The following SPOCK3 variants were observed in gnomAD, a reference collection of about 807,000 sequenced individuals.
The protein encoded by SPOCK3 is testican-3.
SPOCK3 carries 30 observed loss-of-function variants against 56.6 expected under a neutral mutation model. That is an observed-to-expected ratio of 0.53 (90% CI 0.40 to 0.72). The LOEUF (loss-of-function observed/expected upper bound fraction) is 0.72, where lower values mean the gene tolerates loss of function less well. Among genes scored for constraint, SPOCK3 ranks in the 30% least tolerant of loss-of-function variants. The pLI is 0.00. For synonymous variants in SPOCK3, 196 were observed against 183.3 expected (o/e 1.07, Z -0.56); for missense variants, 527 against 530.0 (o/e 0.99, Z 0.06).
At chr4:166,798,437 A>G (rs966553695) in intron 6 of SPOCK3, among the ~76,000 whole-genome samples, 44 of 152,210 alleles carry the variant, frequency 2.9e-4, no homozygotes, top group African/African-American at 9.7e-4. Context: ...GTGATTAAGA[A>G]CTATGAAGGT....
At chr4:166,875,902 A>G (rs2126962067) in intron 6 of SPOCK3, among the ~76,000 whole-genome samples, 1 of 152,336 alleles carries the variant, frequency 6.6e-6, no homozygotes, top group South Asian at 2.1e-4. Flanking sequence ...ACAGTTTACT[A>G]CTCATGGCAC....
At chr4:166,944,967 C>A (rs557467292) in intron 4 of SPOCK3, among the ~76,000 whole-genome samples, 2 of 152,186 alleles carry the variant, frequency 1.3e-5, no homozygotes, top group East Asian at 1.9e-4. Context: ...TAATTTGATA[C>A]CATCATTATT....
intron 2 of SPOCK3, among the ~76,000 whole-genome samples, chr4:167,233,444 C>G (rs1737390351): frequency 6.6e-6 from 1 of 152,164 alleles, no homozygotes; most frequent in Admixed American, 6.5e-5. Context: ...AAGCACAAAT[C>G]TGATCGACAA....
intron 2 of SPOCK3, among the ~76,000 whole-genome samples, chr4:167,218,869 G>A (rs939156618): frequency 1.4e-4 from 22 of 152,262 alleles, no homozygotes; most frequent in Admixed American, 1.4e-3. Flanking sequence ...TGTACTAAGT[G>A]TGTGGTCTAT....
At chr4:166,751,789 G>A (rs1362056189) in intron 8 of SPOCK3, among the ~76,000 whole-genome samples, 1 of 152,000 alleles carries the variant, frequency 6.6e-6, no homozygotes, top group East Asian at 1.9e-4. Flanking sequence ...TTTTATGAAA[G>A]CACATTCTTA....
chr4:166,820,341 G>T lies in SPOCK3; in HGVS notation c.590-28052C>A, dbSNP rs145705997. ...CTATTATTCATCAACTAAAAATAAA[G>T]TAAAAATAAACAAAGCAATGTAGTA... On this transcript the variant is annotated intron_variant, in intron 6 of 10. Transcript: ENST00000357545. 2.2e-4 allele frequency among the ~76,000 whole-genome samples: 33 copies of T among 151,888 alleles called. No individual in the cohort carries two copies. In the East Asian group the frequency reaches 5.8e-3, roughly 27 times the overall value.
At chr4:167,162,438 A>T in intron 2 of SPOCK3, among the ~76,000 whole-genome samples, 1 of 152,134 alleles carries the variant, frequency 6.6e-6, no homozygotes, top group South Asian at 2.1e-4. Context: ...TGTCCAATAC[A>T]GTTGACACTA....
At chr4:166,980,360 A>T (rs1407989785) in intron 4 of SPOCK3, among the ~76,000 whole-genome samples, 1 of 152,252 alleles carries the variant, frequency 6.6e-6, no homozygotes, top group Non-Finnish European at 1.5e-5. Flanking sequence ...CTCCATTACC[A>T]TTACCAAGAA....
At chr4:166,805,684 A>G (rs893338836) in intron 6 of SPOCK3, among the ~76,000 whole-genome samples, 1 of 152,088 alleles carries the variant, frequency 6.6e-6, no homozygotes, top group African/African-American at 2.4e-5. Context: ...ATTACAATCA[A>G]TTCTAGTAGC....
intron 8 of SPOCK3, among the ~76,000 whole-genome samples, chr4:166,751,142 C>T (rs1736326055): frequency 6.6e-6 from 1 of 152,172 alleles, no homozygotes; most frequent in Non-Finnish European, 1.5e-5. Flanking sequence ...ACTTTTAAAA[C>T]TTTATTAGAT....
chr4:167,160,230 A>T (rs1765170372), intron 2 of SPOCK3, among the ~76,000 whole-genome samples: 1 of 152,218 alleles, frequency 6.6e-6, no homozygotes, highest in South Asian at 2.1e-4. Context: ...AATCACAAGC[A>T]TTCTTATACA....
chr4:166,909,028 A>T (rs1437679182), intron 5 of SPOCK3, among the ~76,000 whole-genome samples: 1 of 152,114 alleles, frequency 6.6e-6, no homozygotes, highest in Non-Finnish European at 1.5e-5. Context: ...AGAAAGATTA[A>T]ATAGGCTTCT....
chr4:167,110,043 G>T (rs1561226497), intron 2 of SPOCK3, among the ~76,000 whole-genome samples: 1 of 151,886 alleles, frequency 6.6e-6, no homozygotes, highest in Non-Finnish European at 1.5e-5. Context: ...ATTTGCTTGG[G>T]TAAAGCATAA....
intron 2 of SPOCK3, among the ~76,000 whole-genome samples, chr4:167,183,091 C>G (rs1442572824): frequency 6.6e-6 from 1 of 152,064 alleles, no homozygotes; most frequent in Non-Finnish European, 1.5e-5. Flanking sequence ...AGCAGGCCCT[C>G]CTGGTCCTAA....
intron 5 of SPOCK3, among the ~76,000 whole-genome samples, chr4:166,906,355 A>T (rs1455470942): frequency 1.3e-5 from 2 of 152,060 alleles, no homozygotes; most frequent in Non-Finnish European, 2.9e-5. Flanking sequence ...TTTTGTGTAG[A>T]AACGGGTTTT....
At chr4:166,924,675 G>A (rs1738871998) in intron 4 of SPOCK3, among the ~76,000 whole-genome samples, 1 of 152,190 alleles carries the variant, frequency 6.6e-6, no homozygotes, top group South Asian at 2.1e-4. Context: ...CATGTTTGCT[G>A]AACACATGGC....
At chr4:167,125,230 T>TA (rs1762174932) in intron 2 of SPOCK3, among the ~76,000 whole-genome samples, 2 of 145,778 alleles carry the variant, frequency 1.4e-5, no homozygotes, top group African/African-American at 5.0e-5. Context: ...TTTATTTATT[T>TA]TTATTTATTT....
At chr4:167,083,957 G>A (rs576616820) in intron 2 of SPOCK3, among the ~76,000 whole-genome samples, 54 of 152,174 alleles carry the variant, frequency 3.5e-4, no homozygotes, top group Non-Finnish European at 7.1e-4. Flanking sequence ...GATATGAAAT[G>A]TCAGTAACTT....
chr4:166,938,724 A>G (rs1161463472), intron 4 of SPOCK3, among the ~76,000 whole-genome samples: 3 of 152,156 alleles, frequency 2.0e-5, no homozygotes, highest in Admixed American at 1.3e-4. Context: ...GTAAATAAAT[A>G]CAACATAACA....
Sources: allele counts gnomAD v4.1 joint callset (sites outside exome capture counted in the v4.1 genomes callset), GRCh38; gene constraint gnomAD v4.1.1; transcripts MANE v1.5; gene names NCBI Gene and HGNC (gene_info 2026-07-23, HGNC 2026-07-21).